PDE11A: variants seen among roughly 807,000 people sequenced by gnomAD.
PDE11A encodes the protein dual 3',5'-cyclic-AMP and -GMP phosphodiesterase 11A.
In PDE11A, 100 loss-of-function variants were observed where a neutral mutation model predicts 100.5. The ratio of observed to expected loss-of-function variants is 1.00; its 90% CI spans 0.85 to 1.18. The LOEUF (loss-of-function observed/expected upper bound fraction) is 1.18, where lower values mean the gene tolerates loss of function less well. Ranked by LOEUF, PDE11A falls within the 50% of genes most tolerant of loss-of-function variation. The probability of loss-of-function intolerance (pLI) is 0.00; values close to 1 mark genes in which losing one functional copy is unlikely to be tolerated. For synonymous variants in PDE11A, 381 were observed against 420.8 expected, an observed-to-expected ratio of 0.91 and a Z score of 1.16; for missense variants, 1,141 against 1,152.6, an observed-to-expected ratio of 0.99 and a Z score of 0.15.
rs764034303 is a variant in PDE11A, at chr2:178,077,927, GA to G, written c.162+26374del. ...AGAGGCATGAAACAGATGCTCTTAG[GA>G]AAAAAAAAAAAATCAATCTTCTGAA... is the stretch of plus-strand genomic sequence containing the variant. On this transcript the variant is annotated intron_variant, in intron 2 of 20. Transcript: ENST00000358450. Among the ~76,000 whole-genome samples, 1,291 of 140,196 alleles carry G rather than the reference GA, an allele frequency of 9.2e-3. 22 individuals carry two copies. Among genetic ancestry groups the G allele is most frequent in the African/African-American group, 0.029 (1,109 of 38,592 alleles). The allele number at this position is 140,196 out of a possible 152,430, so 92.0% of individuals were successfully genotyped here. A position where few individuals can be genotyped will look rare whatever the true frequency, so the allele number is the denominator to read the frequency against.
intron 2 of PDE11A, among the ~76,000 whole-genome samples, chr2:178,079,616 T>C (rs1426152915): frequency 1.3e-5 from 2 of 152,206 alleles, no homozygotes; most frequent in Non-Finnish European, 2.9e-5. Flanking sequence ...ACATGTATCT[T>C]TGTAACAGAA....
At chr2:177,857,872 C>T (rs1048993805) in intron 5 of PDE11A, among the ~76,000 whole-genome samples, 3 of 151,754 alleles carry the variant, frequency 2.0e-5, no homozygotes, top group Admixed American at 1.3e-4. Context: ...CAAACAGTAG[C>T]AAAAGAGAGC....
intron 19 of PDE11A, among the ~76,000 whole-genome samples, chr2:177,653,252 G>A (rs375661621): frequency 6.6e-6 from 1 of 152,134 alleles, no homozygotes. Flanking sequence ...CATTCCATGG[G>A]CTTTAGATTT....
At chr2:177,830,938 G>T (rs937931947) in intron 6 of PDE11A, among the ~76,000 whole-genome samples, 1 of 152,152 alleles carries the variant, frequency 6.6e-6, no homozygotes, top group Non-Finnish European at 1.5e-5. Context: ...TAAGGTCGCA[G>T]AATTTAAAGC....
Position 177,980,333 on chromosome 2 carries a change from T to G in PDE11A, c.1071+33969A>C, listed in dbSNP as rs182159972. Among the ~76,000 whole-genome samples, 5 of 151,218 alleles carry G rather than the reference T, an allele frequency of 3.3e-5. No individual in the cohort carries two copies. In the East Asian group the frequency reaches 9.6e-4, roughly 29 times the overall value. ...TGTCTGTATTGTGTAACTATTGGTC[T>G]AACCGTAATTCTTTTTTAACTGCAT... On this transcript the variant is annotated intron_variant, in intron 2 of 19. Transcript: ENST00000286063.
chr2:177,998,612 A>G, intron 2 of PDE11A: 3 of 1,298,502 alleles, frequency 2.3e-6, no homozygotes, highest in South Asian at 1.2e-5. Flanking sequence ...TAAAATGCTT[A>G]AAGAATTTCA....
intron 1 of PDE11A, among the ~76,000 whole-genome samples, chr2:178,037,661 C>T (rs1308882096): frequency 1.3e-5 from 2 of 152,114 alleles, no homozygotes; most frequent in South Asian, 2.1e-4. Flanking sequence ...GAAAATGTGG[C>T]ACATATACAC....
rs2085909221 is a variant in PDE11A, at chr2:177,983,632, CAAACAT to C, written c.1071+30664_1071+30669del. ...ATTACTTAAAAAACAAACAAACAAA[CAAACAT>C]AAATGCATGAGAGTTTTGCTATTTG... On this transcript the variant is annotated intron_variant, in intron 2 of 19. Transcript: ENST00000286063. 2.0e-5 allele frequency among the ~76,000 whole-genome samples: 3 copies of C among 152,076 alleles called. No homozygotes were observed. The South Asian group carries it at 6.3e-4, about 32-fold the overall frequency.
chr2:177,971,236 A>G (rs1331412386), intron 2 of PDE11A, among the ~76,000 whole-genome samples: 1 of 152,186 alleles, frequency 6.6e-6, no homozygotes. Flanking sequence ...TTTCATAACA[A>G]TACAAAAATA....
intron 9 of PDE11A, among the ~76,000 whole-genome samples, chr2:177,812,908 G>A (rs1004914946): frequency 2.0e-5 from 3 of 152,212 alleles, no homozygotes; most frequent in African/African-American, 7.2e-5. Flanking sequence ...AGTAATGCAG[G>A]CATTATATAG....
In PDE11A at chr2:177,697,375, A is replaced by G. The variant is rs770092164; in HGVS notation, c.2302T>C (p.Leu768=). 8 of 1,603,016 alleles carry G rather than the reference A, an allele frequency of 5.0e-6. No homozygotes were observed. The highest frequency in any genetic ancestry group is 6.8e-6 in the Non-Finnish European group (8 of 1,170,036). ...TCTGTTGCCAATATTGACTGCTTCAAAAGCTGCATAAGGTCACTATATTCC... is the reference window on the plus strand; with the variant it reads ...TCTGTTGCCAATATTGACTGCTTCAGAAGCTGCATAAGGTCACTATATTCC... The part of the protein sequence containing the change: ...SKEYSDLMQL[L]KQSILATDLT... Residue 768 remains leucine, a synonymous_variant, in exon 15 of 20, where the codon TTG becomes CTG. Coordinates refer to ENST00000286063, the MANE Select transcript of PDE11A (RefSeq NM_016953.4).
intron 1 of PDE11A, among the ~76,000 whole-genome samples, chr2:178,106,170 T>C (rs1574401608): frequency 6.6e-6 from 1 of 152,220 alleles, no homozygotes; most frequent in African/African-American, 2.4e-5. Flanking sequence ...TTCTTCAATA[T>C]TGGCAGAATA....
At chr2:177,881,666 AG>A (rs1199756313) in intron 4 of PDE11A, among the ~76,000 whole-genome samples, 1 of 152,252 alleles carries the variant, frequency 6.6e-6, no homozygotes, top group Non-Finnish European at 1.5e-5. Context: ...GAGTGGGCAA[AG>A]GATGGCCCAT....
At chr2:177,872,305 G>T (rs1055997918) in intron 5 of PDE11A, among the ~76,000 whole-genome samples, 1 of 152,160 alleles carries the variant, frequency 6.6e-6, no homozygotes, top group Non-Finnish European at 1.5e-5. Context: ...CCTTATAAAT[G>T]CAAGAAGTCT....
chr2:178,040,061 C>T (rs1050283212), intron 1 of PDE11A, among the ~76,000 whole-genome samples: 18 of 109,706 alleles, frequency 1.6e-4, no homozygotes, highest in South Asian at 6.7e-4. Flanking sequence ...AATGTAGTGG[C>T]TTTTTTTTTT....
chr2:177,789,927 G>A (rs1259777511), intron 9 of PDE11A, among the ~76,000 whole-genome samples: 1 of 151,368 alleles, frequency 6.6e-6, no homozygotes, highest in Non-Finnish European at 1.5e-5. Context: ...ATGCTCATGG[G>A]TAGGAAGAAT....
chr2:177,680,774 G>A, intron 16 of PDE11A, 52 bp downstream of exon 16: 1 of 982,874 alleles, frequency 1.0e-6, no homozygotes, highest in Non-Finnish European at 1.6e-6. Context: ...AAATTTATGT[G>A]GACTAAATGT....
chr2:177,956,943 C>T (rs903149878), intron 2 of PDE11A, among the ~76,000 whole-genome samples: 1 of 151,934 alleles, frequency 6.6e-6, no homozygotes, highest in Non-Finnish European at 1.5e-5. Context: ...TAGAGATATA[C>T]CTAATGTAAA....
intron 2 of PDE11A, among the ~76,000 whole-genome samples, chr2:177,979,165 G>A (rs2085847249): frequency 6.7e-6 from 1 of 150,124 alleles, no homozygotes; most frequent in African/African-American, 2.4e-5. Flanking sequence ...AACCCCTTTG[G>A]ATGTGTCTAT....
Sources: allele counts gnomAD v4.1 joint callset (sites outside exome capture counted in the v4.1 genomes callset), GRCh38; gene constraint gnomAD v4.1.1; transcripts MANE v1.5; gene names NCBI Gene and HGNC (gene_info 2026-07-23, HGNC 2026-07-21).